The following ADARB2 variants were observed in gnomAD, a reference collection of about 807,000 sequenced individuals.
ADARB2 encodes the protein inactive double-stranded RNA-specific editase B2.
In ADARB2, 25 loss-of-function variants were observed where a neutral mutation model predicts 62.2. The ratio of observed to expected loss-of-function variants is 0.40; its 90% CI spans 0.29 to 0.56. The LOEUF is 0.56. Ranked by LOEUF, ADARB2 falls within the 20% of genes least tolerant of loss-of-function variation. ADARB2 has a pLI of 0.43. For missense variants in ADARB2, 1,071 were observed against 1,077.4 expected, an observed-to-expected ratio of 0.99 and a Z score of 0.08; for synonymous variants, 572 against 500.8, an observed-to-expected ratio of 1.14 and a Z score of -1.90.
At chr10:1,512,833 A>G (rs1011490069) in intron 1 of ADARB2, among the ~76,000 whole-genome samples, 9 of 152,176 alleles carry the variant, frequency 5.9e-5, no homozygotes, top group Admixed American at 5.9e-4. Context: ...TGCCAGGGAC[A>G]CATCTGGAGT....
At chr10:1,646,525 G>C (rs1179479588) in intron 1 of ADARB2, among the ~76,000 whole-genome samples, 1 of 152,246 alleles carries the variant, frequency 6.6e-6, no homozygotes, top group Non-Finnish European at 1.5e-5. Flanking sequence ...AGCCGCTGGT[G>C]GGCGTGGCTG....
chr10:1,453,808 A>T (rs1010423836), intron 1 of ADARB2, among the ~76,000 whole-genome samples: 7 of 152,224 alleles, frequency 4.6e-5, no homozygotes, highest in African/African-American at 1.7e-4. Context: ...TTACCGCCTC[A>T]TACCCACTGG....
intron 1 of ADARB2, among the ~76,000 whole-genome samples, chr10:1,556,229 T>C (rs1388576469): frequency 6.6e-6 from 1 of 151,046 alleles, no homozygotes; most frequent in Non-Finnish European, 1.5e-5. Flanking sequence ...CAAGAGCACC[T>C]TCAAAGAAAG....
At chr10:1,451,808 G>A (rs1831043664) in intron 1 of ADARB2, among the ~76,000 whole-genome samples, 2 of 146,934 alleles carry the variant, frequency 1.4e-5, no homozygotes, top group Admixed American at 1.3e-4. Context: ...GCAGAGGAAG[G>A]GAGCCCCCAC....
At chr10:1,475,112 G>A (rs950612443) in intron 1 of ADARB2, among the ~76,000 whole-genome samples, 3 of 152,130 alleles carry the variant, frequency 2.0e-5, no homozygotes, top group Admixed American at 1.3e-4. Flanking sequence ...AAATCAACGC[G>A]GCGTCGTCAA....
intron 1 of ADARB2, among the ~76,000 whole-genome samples, chr10:1,382,477 G>T (rs1832491873): frequency 6.6e-6 from 1 of 152,312 alleles, no homozygotes; most frequent in East Asian, 1.9e-4. Flanking sequence ...AAGAGGTGAA[G>T]AATTACATTT....
rs538734059 is a variant in ADARB2 at position 1,242,294 on chromosome 10, C to T, written c.1198G>A (p.Asp400Asn). ...GCCACGACCTGCGCCTGCCGAGCAT[C>T]CAGGCCTGGGGACACAGATAGCATC... ...LAGIVMTKGL[D>N]ARQAQVVALS... The change falls in exon 5 of 10, where the codon GAT becomes AAT. Residue 400 changes from aspartate (D) to asparagine (N), a missense_variant. By Grantham distance (23) the Asp-to-Asn change is conservative. Transcript: ENST00000381312. The T allele has an allele frequency of 2.8e-5, 43 of 1,557,130 alleles. No homozygotes were observed. In the East Asian group the frequency reaches 8.1e-4, roughly 29 times the overall value.
Position 1,521,601 on chromosome 10 carries a change from C to T in ADARB2, c.101-142441G>A, listed in dbSNP as rs540515092. Among the ~76,000 whole-genome samples the T allele has an allele frequency of 2.2e-4, 33 of 152,352 alleles. No individual in the cohort carries two copies. In the South Asian group the frequency reaches 6.8e-3, roughly 32 times the overall value. On this transcript the variant is annotated intron_variant, in intron 1 of 9. Transcript: ENST00000381312. ...ATAAGAAACATTTACAGCCTCTTCTCTCTGAAGCCTGCTACCTGGAGGCTT... is the reference window on the plus strand; with the variant it reads ...ATAAGAAACATTTACAGCCTCTTCTTTCTGAAGCCTGCTACCTGGAGGCTT...
chr10:1,726,701 G>A (rs895820471), intron 1 of ADARB2, among the ~76,000 whole-genome samples: 1 of 152,326 alleles, frequency 6.6e-6, no homozygotes, highest in Middle Eastern at 3.4e-3. Context: ...GAAGCCAGAG[G>A]GTCCTGGGCC....
At chr10:1,411,699 G>A (rs758397858) in intron 1 of ADARB2, among the ~76,000 whole-genome samples, 10 of 152,072 alleles carry the variant, frequency 6.6e-5, no homozygotes, top group Non-Finnish European at 1.3e-4. Flanking sequence ...GAGCTCCGCC[G>A]GCAAGAAGCG....
intron 1 of ADARB2, among the ~76,000 whole-genome samples, chr10:1,550,287 C>T (rs1324522297): frequency 6.6e-6 from 1 of 152,186 alleles, no homozygotes; most frequent in African/African-American, 2.4e-5. Context: ...TTTATTCTCC[C>T]TGAATTTCCT....
At chr10:1,444,495 C>T (rs1248950783) in intron 1 of ADARB2, among the ~76,000 whole-genome samples, 3 of 151,432 alleles carry the variant, frequency 2.0e-5, no homozygotes, top group Non-Finnish European at 4.4e-5. Context: ...TCCATCCACC[C>T]ACACATCCAT....
At position 1,649,620 on chromosome 10, in the gene ADARB2, C is replaced by T. The variant is rs1487967740; in HGVS notation, c.100+87431G>A. Among the ~76,000 whole-genome samples the T allele has an allele frequency of 2.0e-5, 3 of 152,212 alleles. No homozygotes were observed. The East Asian group carries it at 5.8e-4, about 29-fold the overall frequency. On this transcript the variant is annotated intron_variant, in intron 1 of 9. Transcript: ENST00000381312. ...TGGTTGATTGCTTTGCCAGAAATGACCCTATAACCTGGGCCAGATTACCAG... is the reference window on the plus strand; with the variant it reads ...TGGTTGATTGCTTTGCCAGAAATGATCCTATAACCTGGGCCAGATTACCAG...
chr10:1,362,917 C>T, intron 3 of ADARB2, 111 bp downstream of exon 3: 9 of 1,026,652 alleles, frequency 8.8e-6, no homozygotes, highest in Non-Finnish European at 1.1e-5. Context: ...CCGCTCCACG[C>T]GGCCTCTCCT....
chr10:1,494,501 A>G (rs1415683145), intron 1 of ADARB2, among the ~76,000 whole-genome samples: 2 of 152,192 alleles, frequency 1.3e-5, no homozygotes, highest in Non-Finnish European at 2.9e-5. Flanking sequence ...ACTTTTTCAA[A>G]TCTGTGGACT....
At chr10:1,486,443 TGC>T (rs1831543707) in intron 1 of ADARB2, among the ~76,000 whole-genome samples, 1 of 152,186 alleles carries the variant, frequency 6.6e-6, no homozygotes, top group Non-Finnish European at 1.5e-5. Flanking sequence ...ACACAAAGTC[TGC>T]ACATTTCAGG....
chr10:1,312,157 CG>C (rs1413133183), intron 3 of ADARB2, among the ~76,000 whole-genome samples: 6 of 152,210 alleles, frequency 3.9e-5, no homozygotes, highest in Admixed American at 3.3e-4. Flanking sequence ...GATTTGCAGG[CG>C]GCAAGTTTCA....
At chr10:1,574,049 A>G (rs1832975474) in intron 1 of ADARB2, among the ~76,000 whole-genome samples, 1 of 152,222 alleles carries the variant, frequency 6.6e-6, no homozygotes, top group Non-Finnish European at 1.5e-5. Context: ...AGTGTCTTAT[A>G]TCTGAAAGAC....
At chr10:1,444,837 C>A (rs1203590406) in intron 1 of ADARB2, among the ~76,000 whole-genome samples, 2 of 149,614 alleles carry the variant, frequency 1.3e-5, no homozygotes, top group Admixed American at 6.6e-5. Context: ...ACCCACCCAC[C>A]CCATCCATCC....
Sources: gnomAD v4.1 joint callset for allele counts (sites outside exome capture counted in the v4.1 genomes callset) on GRCh38, gnomAD v4.1.1 for gene constraint, MANE v1.5 for transcripts, NCBI Gene and HGNC (gene_info 2026-07-23, HGNC 2026-07-21) for gene names.